TBC1D5: variants seen among roughly 807,000 people sequenced by gnomAD.
TBC1D5 encodes the protein TBC1 domain family member 5.
In TBC1D5, 75 loss-of-function variants were observed where a neutral mutation model predicts 100.3. The observed-to-expected ratio is 0.75, with a 90% CI of 0.62 to 0.91. The LOEUF is 0.91. TBC1D5 is among the 40% of genes least tolerant of loss of function. The pLI is 0.00. For missense variants in TBC1D5, 910 were observed against 942.4 expected, an observed-to-expected ratio of 0.97 and a Z score of 0.45; for synonymous variants, 323 against 325.6, an observed-to-expected ratio of 0.99 and a Z score of 0.09.
intron 4 of TBC1D5, among the ~76,000 whole-genome samples, chr3:17,409,189 A>T (rs73158011): frequency 0.091 from 13,875 of 152,040 alleles, 1,427 homozygotes; most frequent in African/African-American, 0.26. Flanking sequence ...TCACTTCATG[A>T]CTCTTGTGAC....
chr3:17,181,355 G>C (rs989218001), intron 19 of TBC1D5, among the ~76,000 whole-genome samples: 1 of 152,192 alleles, frequency 6.6e-6, no homozygotes, highest in African/African-American at 2.4e-5. Flanking sequence ...GAGTCTCTCA[G>C]ATTCTTCCCT....
intron 1 of TBC1D5, chr3:17,672,574 C>T (rs965878250): frequency 6.6e-6 from 1 of 152,002 alleles, no homozygotes; most frequent in Non-Finnish European, 1.5e-5. Context: ...CAAACAGATG[C>T]AAAACATACA....
exon 4 of TBC1D5, chr3:17,428,466 T>C (rs2094386780): frequency 1.4e-6 from 2 of 1,467,352 alleles, no homozygotes; most frequent in Non-Finnish European, 1.8e-6. Flanking sequence ...GAATTAAAAG[T>C]CCCTTCAGAG....
chr3:17,480,726 C>T (rs910947012), intron 3 of TBC1D5, among the ~76,000 whole-genome samples: 7 of 152,144 alleles, frequency 4.6e-5, no homozygotes, highest in African/African-American at 1.7e-4. Context: ...AAAGGAGCTA[C>T]CCAGTGAGGG....
chr3:17,624,956 G>A (rs1020432856), intron 1 of TBC1D5, among the ~76,000 whole-genome samples: 1 of 152,060 alleles, frequency 6.6e-6, no homozygotes, highest in African/African-American at 2.4e-5. Flanking sequence ...CTTAATACCA[G>A]TATTAATACA....
At chr3:17,624,238 AT>A (rs2062890187) in intron 1 of TBC1D5, among the ~76,000 whole-genome samples, 1 of 152,176 alleles carries the variant, frequency 6.6e-6, no homozygotes, top group Non-Finnish European at 1.5e-5. Flanking sequence ...AATTCTCTTT[AT>A]GTTTCTTGAT....
intron 2 of TBC1D5, among the ~76,000 whole-genome samples, chr3:17,521,727 C>T (rs1488684563): frequency 6.6e-6 from 1 of 152,020 alleles, no homozygotes; most frequent in African/African-American, 2.4e-5. Flanking sequence ...ATTATGTTAA[C>T]TCTTTCATTC....
chr3:17,197,041 A>G (rs1388449044), intron 18 of TBC1D5, among the ~76,000 whole-genome samples: 1 of 152,182 alleles, frequency 6.6e-6, no homozygotes, highest in Non-Finnish European at 1.5e-5. Context: ...TGCATGCAAC[A>G]CAGATATCTG....
chr3:17,241,145 A>T (rs1214874219), intron 16 of TBC1D5, among the ~76,000 whole-genome samples: 1 of 152,142 alleles, frequency 6.6e-6, no homozygotes, highest in South Asian at 2.1e-4. Context: ...ATACAGAGAA[A>T]GCAATCTGTC....
intron 2 of TBC1D5, among the ~76,000 whole-genome samples, chr3:17,510,559 G>T (rs748604738): frequency 6.6e-6 from 1 of 151,976 alleles, no homozygotes; most frequent in Non-Finnish European, 1.5e-5. Context: ...CTGCTGTATA[G>T]AAGAAACTCT....
chr3:17,660,389 T>C (rs1201476835), intron 1 of TBC1D5, among the ~76,000 whole-genome samples: 1 of 152,180 alleles, frequency 6.6e-6, no homozygotes, highest in African/African-American at 2.4e-5. Context: ...CTCCCTCAAG[T>C]ACCTGAGCTA....
At chr3:17,481,930 G>A (rs951979983) in intron 3 of TBC1D5, among the ~76,000 whole-genome samples, 4 of 152,168 alleles carry the variant, frequency 2.6e-5, no homozygotes, top group Admixed American at 2.6e-4. Flanking sequence ...TAGTAGAGAC[G>A]GGGTTTTACT....
chr3:17,417,194 TTTAA>T (rs1472590037), intron 4 of TBC1D5, among the ~76,000 whole-genome samples: 3 of 152,196 alleles, frequency 2.0e-5, no homozygotes, highest in African/African-American at 7.2e-5. Flanking sequence ...TTTATTATTT[TTTAA>T]TTATTATTAT....
intron 9 of TBC1D5, among the ~76,000 whole-genome samples, chr3:17,383,504 T>C (rs2093031264): frequency 6.6e-6 from 1 of 152,098 alleles, no homozygotes; most frequent in Non-Finnish European, 1.5e-5. Flanking sequence ...TGAAGTTCTA[T>C]TACTGATAAG....
At chr3:17,191,633 T>C (rs1167738285) in intron 18 of TBC1D5, among the ~76,000 whole-genome samples, 1 of 152,202 alleles carries the variant, frequency 6.6e-6, no homozygotes, top group Non-Finnish European at 1.5e-5. Context: ...TTTATTTTTT[T>C]TGAGACAGAG....
At chr3:17,345,958 T>C (rs1208636674) in intron 13 of TBC1D5, among the ~76,000 whole-genome samples, 3 of 151,896 alleles carry the variant, frequency 2.0e-5, no homozygotes. Flanking sequence ...TTAGGAGATA[T>C]ACCTAATGCT....
chr3:17,324,408 G>A (rs373251293), intron 13 of TBC1D5, among the ~76,000 whole-genome samples: 4 of 152,298 alleles, frequency 2.6e-5, no homozygotes, highest in Non-Finnish European at 5.9e-5. Context: ...TTGGGAGGCC[G>A]CGGCAGGCGG....
intron 2 of TBC1D5, among the ~76,000 whole-genome samples, chr3:17,512,984 T>G (rs146129095): frequency 6.6e-6 from 1 of 152,104 alleles, no homozygotes; most frequent in African/African-American, 2.4e-5. Context: ...CACTAAAGCT[T>G]AGAAGGCAGT....
intron 2 of TBC1D5, among the ~76,000 whole-genome samples, chr3:17,583,603 T>C (rs1234101594): frequency 6.6e-6 from 1 of 152,152 alleles, no homozygotes; most frequent in Non-Finnish European, 1.5e-5. Context: ...GGCATGCATC[T>C]GTAGTCCCAG....
Sources: allele counts gnomAD v4.1 joint callset (sites outside exome capture counted in the v4.1 genomes callset), GRCh38; gene constraint gnomAD v4.1.1; transcripts MANE v1.5; gene names NCBI Gene and HGNC (gene_info 2026-07-23, HGNC 2026-07-21).